The following CCNB3 variants were observed in gnomAD, a reference collection of about 807,000 sequenced individuals.
CCNB3 encodes the protein cyclin B3, also known as G2/mitotic-specific cyclin-B3.
A neutral mutation model predicts 68.0 loss-of-function variants in CCNB3; 12 were observed. The observed-to-expected ratio is 0.18, with a 90% CI of 0.11 to 0.29. CCNB3 has a LOEUF of 0.29. Ranked by LOEUF, CCNB3 falls within the 10% of genes least tolerant of loss-of-function variation. The probability of loss-of-function intolerance (pLI) is 1.00; values close to 1 mark genes in which losing one functional copy is unlikely to be tolerated. For missense variants in CCNB3, 904 were observed against 993.1 expected, an observed-to-expected ratio of 0.91 and a Z score of 1.21; for synonymous variants, 354 against 388.9, an observed-to-expected ratio of 0.91 and a Z score of 1.06.
chrX:50,297,311 G>A (rs1557211333), intron 5 of CCNB3, among the ~76,000 whole-genome samples: 1 of 111,198 alleles, frequency 9.0e-6, no homozygotes, highest in Non-Finnish European at 1.9e-5. Context: ...TTTGTATAAG[G>A]TGAAAGGAAG....
chrX:50,326,901 T>G (rs1922321189), intron 8 of CCNB3, among the ~76,000 whole-genome samples: 1 of 112,341 alleles, frequency 8.9e-6, no homozygotes, highest in South Asian at 3.7e-4. Context: ...GTTTTGGAAT[T>G]TGAGGCAGAT....
intron 1 of CCNB3, among the ~76,000 whole-genome samples, chrX:50,279,379 T>TA (rs1264026953): frequency 4.4e-4 from 35 of 78,754 alleles, no homozygotes; most frequent in African/African-American, 1.7e-3. Flanking sequence ...TATATAAATA[T>TA]ATGAAATATT....
chrX:50,308,594 C>T lies in CCNB3; in HGVS notation c.425C>T (p.Thr142Ile), dbSNP rs1921211124. 2 of 1,206,876 alleles carry T rather than the reference C, an allele frequency of 1.7e-6. No individual in the cohort carries two copies. The highest frequency in any genetic ancestry group is 2.2e-6 in the Non-Finnish European group (2 of 892,694). The change falls in exon 6 of 13, where the codon ACC becomes ATC. Residue 142 changes from threonine to isoleucine, a missense_variant. Thr to Ile is a moderately conservative substitution (Grantham distance 89). Around this residue, in one of 2 missense-constraint regions of CCNB3, gnomAD observed 619 missense variants for 609.8 expected, o/e 1.02. Coordinates refer to ENST00000376042, the MANE Select transcript of CCNB3 (RefSeq NM_033031.3). The part of the protein sequence containing the change: ...EKPLILDIST[T>I]SKTPNTEEAS... ...CCACTCATTCTAGACATATCCACCA[C>T]CTCCAAAACACCCAACACTGAGGAG... is the stretch of plus-strand genomic sequence containing the variant.
At chrX:50,214,776 T>G (rs1229340753) in intron 1 of CCNB3, among the ~76,000 whole-genome samples, 1 of 105,421 alleles carries the variant, frequency 9.5e-6, no homozygotes, top group African/African-American at 3.4e-5. Flanking sequence ...CAGGGTGGTC[T>G]TGAACTCCTG....
At chrX:50,228,347 A>C (rs1204532662) in intron 1 of CCNB3, among the ~76,000 whole-genome samples, 1 of 93,818 alleles carries the variant, frequency 1.1e-5, no homozygotes, top group Non-Finnish European at 2.1e-5. Flanking sequence ...ATATACATAC[A>C]TATATAGAAG....
At chrX:50,315,040 C>T (rs891819798) in intron 8 of CCNB3, among the ~76,000 whole-genome samples, 4 of 111,745 alleles carry the variant, frequency 3.6e-5, no homozygotes, top group Non-Finnish European at 7.5e-5. Context: ...TAAAAATGTA[C>T]ATTATAGCAA....
intron 2 of CCNB3, among the ~76,000 whole-genome samples, 181 bp downstream of exon 2, chrX:50,284,797 G>T (rs1219978710): frequency 9.0e-6 from 1 of 111,428 alleles, no homozygotes; most frequent in African/African-American, 3.3e-5. Context: ...TAAACTAGGG[G>T]CTAGACAACA....
intron 1 of CCNB3, among the ~76,000 whole-genome samples, chrX:50,214,280 T>A (rs1935526644): frequency 9.4e-6 from 1 of 106,623 alleles, no homozygotes; most frequent in Non-Finnish European, 1.9e-5. Flanking sequence ...ATTTTTACTA[T>A]TGGTTTTTCT....
At chrX:50,280,393 G>T (rs990540711) in intron 1 of CCNB3, among the ~76,000 whole-genome samples, 1 of 107,102 alleles carries the variant, frequency 9.3e-6, no homozygotes, top group Non-Finnish European at 1.9e-5. Flanking sequence ...ACAAACTAAT[G>T]TATGAATGAA....
chrX:50,206,861 TGAG>T (rs1193564017), intron 1 of CCNB3, among the ~76,000 whole-genome samples: 5 of 111,391 alleles, frequency 4.5e-5, no homozygotes, highest in African/African-American at 1.6e-4. Flanking sequence ...GATGCTGTAA[TGAG>T]GAGTGATCTC....
intron 8 of CCNB3, among the ~76,000 whole-genome samples, chrX:50,337,711 A>G (rs782411686): frequency 2.9e-4 from 32 of 111,464 alleles, no homozygotes; most frequent in Non-Finnish European, 5.3e-4. Flanking sequence ...TGCCTGACCT[A>G]TGTTTCCTTG....
intron 5 of CCNB3, among the ~76,000 whole-genome samples, chrX:50,305,102 C>T (rs1189864614): frequency 9.0e-6 from 1 of 111,690 alleles, no homozygotes; most frequent in Non-Finnish European, 1.9e-5. Flanking sequence ...TGTGGCGATT[C>T]CTCAGGGATC....
At chrX:50,323,799 A>G (rs1406503604) in intron 8 of CCNB3, among the ~76,000 whole-genome samples, 8 of 111,920 alleles carry the variant, frequency 7.1e-5, no homozygotes, top group African/African-American at 2.3e-4. Flanking sequence ...AGGTCTTTAT[A>G]AAGGATTACT....
intron 1 of CCNB3, among the ~76,000 whole-genome samples, chrX:50,221,464 G>T (rs1935672751): frequency 9.0e-6 from 1 of 111,520 alleles, no homozygotes; most frequent in Admixed American, 9.5e-5. Flanking sequence ...AGAGATTCTG[G>T]TATGTTGTGT....
Position 50,309,490 on chromosome X carries a change from A to G in CCNB3, c.1321A>G (p.Lys441Glu), listed in dbSNP as rs1921279333. The G allele has an allele frequency of 8.3e-7, 1 of 1,209,874 alleles. No individual in the cohort carries two copies. Among genetic ancestry groups the G allele is most frequent in the African/African-American group, 1.8e-5 (1 of 57,128 alleles). The change falls in exon 6 of 13, where the codon AAG (lysine) becomes GAG (glutamate). Residue 441 changes from lysine (K) to glutamate (E), a missense_variant. Physicochemically the swap from Lys to Glu is moderately conservative, Grantham distance 56 (BLOSUM62 1). Coordinates refer to ENST00000376042, the MANE Select transcript of CCNB3 (RefSeq NM_033031.3). Reference protein sequence around the residue: ...FSQEPSALQKKHTTQEEVSIL... With the variant: ...FSQEPSALQKEHTTQEEVSIL... ...CCAGGAACCATCTGCATTGCAAAAGAAGCACACCACTCAGGAGGAGGTTTC... is the reference window on the plus strand; with the variant it reads ...CCAGGAACCATCTGCATTGCAAAAGGAGCACACCACTCAGGAGGAGGTTTC...
At chrX:50,336,330 G>A (rs905041475) in intron 8 of CCNB3, among the ~76,000 whole-genome samples, 3 of 111,412 alleles carry the variant, frequency 2.7e-5, no homozygotes, top group African/African-American at 9.9e-5. Context: ...CTGTCCTTTT[G>A]GGGGAATTCC....
chrX:50,226,562 T>G (rs1346367647), intron 1 of CCNB3, among the ~76,000 whole-genome samples: 2 of 75,497 alleles, frequency 2.6e-5, no homozygotes, highest in African/African-American at 1.1e-4. Flanking sequence ...AGAATATATA[T>G]ATAAATATAT....
At chrX:50,223,965 C>T (rs1254966246) in intron 1 of CCNB3, among the ~76,000 whole-genome samples, 1 of 111,829 alleles carries the variant, frequency 8.9e-6, no homozygotes, top group Non-Finnish European at 1.9e-5. Context: ...ATGCCCTGTC[C>T]AGAGAGGAGG....
At chrX:50,324,089 C>T (rs1007392950) in intron 8 of CCNB3, among the ~76,000 whole-genome samples, 2 of 112,359 alleles carry the variant, frequency 1.8e-5, no homozygotes, top group African/African-American at 6.5e-5. Flanking sequence ...AGTGCAGTGG[C>T]GCCACCTTGG....
Sources: allele counts gnomAD v4.1 joint callset (sites outside exome capture counted in the v4.1 genomes callset), GRCh38; gene constraint gnomAD v4.1.1; regional missense constraint gnomAD v4.1.1; transcripts MANE v1.5; gene names NCBI Gene and HGNC (gene_info 2026-07-23, HGNC 2026-07-21).